TCF20: variants seen among roughly 807,000 people sequenced by gnomAD.
TCF20 encodes the protein SPRE-binding protein.
TCF20 carries 3 observed loss-of-function variants against 148.6 expected under a neutral mutation model. That is an observed-to-expected ratio of 0.02 (90% CI 0.01 to 0.05). The LOEUF (loss-of-function observed/expected upper bound fraction) is 0.05, where lower values mean the gene tolerates loss of function less well. Among genes scored for constraint, TCF20 ranks in the 10% least tolerant of loss-of-function variants. TCF20 has a pLI of 1.00. For synonymous variants in TCF20, 1,049 were observed against 909.5 expected (o/e 1.15, Z -2.76); for missense variants, 2,350 against 2,429.3 (o/e 0.97, Z 0.69).
chr22:42,163,441 T>C (rs1210599017), intron 5 of TCF20, among the ~76,000 whole-genome samples: 1 of 152,204 alleles, frequency 6.6e-6, no homozygotes, highest in Admixed American at 6.5e-5. Context: ...AGAGTTACTT[T>C]AAAAAAGTTG....
intron 1 of TCF20, among the ~76,000 whole-genome samples, chr22:42,262,293 G>A (rs1926070526): frequency 6.6e-6 from 1 of 152,224 alleles, no homozygotes. Context: ...AAAGAGGGTA[G>A]TGGCAGTACA....
At chr22:42,307,038 TAAAAAAAAAAAA>T (rs5845532) in intron 1 of TCF20, among the ~76,000 whole-genome samples, 1 of 92,762 alleles carries the variant, frequency 1.1e-5, no homozygotes, top group South Asian at 3.9e-4. Context: ...GACTCTGTCT[TAAAAAAAAAAAA>T]AAAAAAAAAA....
chr22:42,297,401 A>T lies in TCF20; in HGVS notation c.-37+46078T>A, dbSNP rs918450120. On this transcript the variant is annotated intron_variant, in intron 1 of 1. Transcript: ENST00000515426. The surrounding 1 kb of genome is among the most constrained non-coding windows in gnomAD (Gnocchi z 4.3). ...GGGTCCTCATTTGCATTAGACGGTA[A>T]ATCTAAGGACACTGGTTGTGCCTTC... Among the ~76,000 whole-genome samples, 2 of 152,176 alleles carry T rather than the reference A, an allele frequency of 1.3e-5. No homozygotes were observed. The highest frequency in any genetic ancestry group is 4.8e-5 in the African/African-American group (2 of 41,440).
chr22:42,247,098 G>A (rs978727728), intron 1 of TCF20, among the ~76,000 whole-genome samples: 1 of 152,008 alleles, frequency 6.6e-6, no homozygotes, highest in African/African-American at 2.4e-5. Context: ...TAGATTTCAT[G>A]GAGAAAAGTA....
intron 1 of TCF20, among the ~76,000 whole-genome samples, chr22:42,240,773 A>G (rs925408346): frequency 3.9e-5 from 6 of 152,172 alleles, no homozygotes; most frequent in African/African-American, 1.4e-4. Context: ...TCCTAGGAGT[A>G]AGACTGAAGT....
intron 2 of TCF20, among the ~76,000 whole-genome samples, chr22:42,186,024 G>A (rs1937028939): frequency 6.6e-6 from 1 of 152,188 alleles, no homozygotes; most frequent in Admixed American, 6.5e-5. Context: ...ATGTCCTACA[G>A]CTGCTCCGGC....
At chr22:42,193,384 C>G (rs1231767573) in intron 2 of TCF20, among the ~76,000 whole-genome samples, 5 of 150,464 alleles carry the variant, frequency 3.3e-5, no homozygotes, top group Non-Finnish European at 7.4e-5. Flanking sequence ...CCACTGTACT[C>G]ATAGTGGAAC....
chr22:42,343,074 T>G (rs535041426), intron 1 of TCF20, among the ~76,000 whole-genome samples: 130 of 152,292 alleles, frequency 8.5e-4, no homozygotes, highest in Non-Finnish European at 1.6e-3. Context: ...TTTTTTCTTC[T>G]TTTCTACAAT....
At position 42,336,659 on chromosome 22, in the gene TCF20, C is replaced by G. The variant is rs183506750; in HGVS notation, c.-37+6820G>C. Among the ~76,000 whole-genome samples the G allele has an allele frequency of 4.7e-3, 711 of 152,272 alleles. 10 individuals carry two copies. Among genetic ancestry groups the G allele is most frequent in the African/African-American group, 0.016 (670 of 41,562 alleles). On this transcript the variant is annotated intron_variant, in intron 1 of 1. Coordinates refer to the TCF20 transcript ENST00000515426. ...CACATGGCACAGTCTGGCCCCTAAA[C>G]CCCCTCCACACACACACCTATCCAC... is the stretch of plus-strand genomic sequence containing the variant.
Position 42,211,510 on chromosome 22 carries a change from T to C in TCF20, c.3796A>G (p.Ser1266Gly). The change falls in exon 2 of 6, where the codon AGT (serine) becomes GGT (glycine). Residue 1266 changes from serine (S) to glycine (G), a missense_variant. By Grantham distance (56) the Ser-to-Gly change is moderately conservative (BLOSUM62 0). Around this residue, in one of 7 missense-constraint regions of TCF20, gnomAD observed 1,641 missense variants for 1,662.6 expected, o/e 0.99. Coordinates refer to ENST00000677622, the MANE Select transcript of TCF20 (RefSeq NM_001378418.1). The stretch of plus-strand genomic sequence containing the variant: ...TTTACATCTTGTGACTGTCTCTTAC[T>C]GGGAATGGGAGAGATAAAAGAACGA... The part of the protein sequence containing the change: ...RVRSFISPIP[S>G]KRQSQDVKNS... The C allele has an allele frequency of 2.5e-6, 4 of 1,614,198 alleles. No homozygotes were observed. The highest frequency in any genetic ancestry group is 1.1e-5 in the South Asian group (1 of 91,076).
At chr22:42,307,983 G>A (rs1052278618) in intron 1 of TCF20, among the ~76,000 whole-genome samples, 10 of 152,230 alleles carry the variant, frequency 6.6e-5, no homozygotes, top group African/African-American at 1.9e-4. Context: ...CAATAGGGGC[G>A]CAGGCTATTA....
rs764979905 is a variant in TCF20 at position 42,292,424 on chromosome 22, C to T, written c.-37+51055G>A. ...CCCAAACATGGTTCTGTGCCCTGGACTCACTTGACAGATGAGGAATCCGAG... is the reference window on the plus strand; with the variant it reads ...CCCAAACATGGTTCTGTGCCCTGGATTCACTTGACAGATGAGGAATCCGAG... On this transcript the variant is annotated intron_variant, in intron 1 of 1. Coordinates refer to the TCF20 transcript ENST00000515426. This position sits in a 1 kb window ranked among gnomAD's most constrained non-coding sequence, Gnocchi z 4.9. Among the ~76,000 whole-genome samples the T allele has an allele frequency of 2.0e-5, 3 of 152,202 alleles. No individual in the cohort carries two copies. Among genetic ancestry groups the T allele is most frequent in the Non-Finnish European group, 4.4e-5 (3 of 68,036 alleles).
rs1921396210 is a variant in TCF20, at chr22:42,214,140, A to C, written c.1166T>G (p.Leu389Arg). ...SPSCSSTPSP[L>R]MQTGENLQCG... is the part of the protein sequence containing the mutation. Reference sequence around the variant, plus strand: ...CTGGAGATTCTCCCCAGTCTGCATGAGAGGAGATGGGGTAGAACTACAGCT... The same window carrying C: ...CTGGAGATTCTCCCCAGTCTGCATGCGAGGAGATGGGGTAGAACTACAGCT... The change falls in exon 2 of 6, where the codon CTC (leucine) becomes CGC (arginine). Residue 389 changes from leucine to arginine, a missense_variant. This residue lies in a region of TCF20 where 1,641 missense variants were observed against 1,662.6 expected (regional missense o/e 0.99). Transcript: ENST00000677622. The C allele has an allele frequency of 1.2e-6, 2 of 1,614,064 alleles. No homozygotes were observed. Among genetic ancestry groups the C allele is most frequent in the African/African-American group, 2.7e-5 (2 of 74,902 alleles).
rs1169354319 is a variant in TCF20 at position 42,212,446 on chromosome 22, G to A, written c.2860C>T (p.Pro954Ser). Residue 954 changes from proline to serine, a missense_variant, in exon 2 of 6, where the codon CCT becomes TCT. Physicochemically the swap from Pro to Ser is moderately conservative, Grantham distance 74. Around this residue, in one of 7 missense-constraint regions of TCF20, gnomAD observed 1,641 missense variants for 1,662.6 expected, o/e 0.99. Coordinates refer to ENST00000677622, the MANE Select transcript of TCF20 (RefSeq NM_001378418.1). Reference protein sequence around the residue: ...NKKSGDHCHPPSIKHESYRGN... With the variant: ...NKKSGDHCHPSSIKHESYRGN... ...CGGTAAGACTCATGCTTGATGCTAG[G>A]AGGATGGCAGTGGTCTCCAGATTTC... The A allele has an allele frequency of 6.2e-7, 1 of 1,614,122 alleles. No homozygotes were observed. Among genetic ancestry groups the A allele is most frequent in the Non-Finnish European group, 8.5e-7 (1 of 1,180,058 alleles).
chr22:42,327,062 AAG>A (rs1214216648), intron 1 of TCF20, among the ~76,000 whole-genome samples: 4 of 152,196 alleles, frequency 2.6e-5, no homozygotes, highest in Non-Finnish European at 5.9e-5. Flanking sequence ...GCACTTCTCC[AAG>A]AGACTCTAAC....
At chr22:42,272,153 G>T (rs1926645268), upstream of TCF20, among the ~76,000 whole-genome samples, 1 of 152,258 alleles carries the variant, frequency 6.6e-6, no homozygotes, top group Non-Finnish European at 1.5e-5. Context: ...CCGGGGCAGA[G>T]CTGAACAAGC....
intron 1 of TCF20, among the ~76,000 whole-genome samples, chr22:42,315,759 G>A (rs1927617951): frequency 6.6e-6 from 1 of 152,158 alleles, no homozygotes; most frequent in African/African-American, 2.4e-5. Context: ...ATGAACCAGA[G>A]GTAGCCCCAG....
intron 3 of TCF20, among the ~76,000 whole-genome samples, chr22:42,174,100 C>T (rs886339651): frequency 6.6e-6 from 1 of 152,120 alleles, no homozygotes; most frequent in Non-Finnish European, 1.5e-5. Context: ...AGAGGATGTT[C>T]CAGTGCTCTA....
intron 1 of TCF20, among the ~76,000 whole-genome samples, chr22:42,330,167 G>A (rs1363991801): frequency 6.6e-6 from 1 of 152,344 alleles, no homozygotes; most frequent in South Asian, 2.1e-4. Flanking sequence ...GCAGGCTGGA[G>A]GCTGCAGAGG....
Sources: gnomAD v4.1 joint callset for allele counts (sites outside exome capture counted in the v4.1 genomes callset) on GRCh38, gnomAD v4.1.1 for gene constraint, gnomAD v4.1.1 regional missense constraint, Gnocchi (gnomAD v3.1) non-coding constraint, MANE v1.5 for transcripts, NCBI Gene and HGNC (gene_info 2026-07-23, HGNC 2026-07-21) for gene names.